Variants in ADGRD2 observed in about 807,000 individuals in gnomAD.
ADGRD2 encodes adhesion G protein-coupled receptor D2.
Under a neutral mutation model 44.4 loss-of-function variants are expected in ADGRD2, and 71 were observed. That is an observed-to-expected ratio of 1.60 (90% confidence interval 1.32 to 1.95). The LOEUF is 1.95. Ranked by LOEUF, ADGRD2 falls within the 30% of genes most tolerant of loss-of-function variation. ADGRD2 has a pLI of 0.00. For synonymous variants in ADGRD2, 481 were observed against 224.8 expected, an observed-to-expected ratio of 2.14 and a Z score of -10.19; for missense variants, 1,039 against 512.4, an observed-to-expected ratio of 2.03 and a Z score of -9.92.
At chr9:124,458,847 G>C in intron 10 of ADGRD2, 126 bp downstream of exon 13, 1 of 608,576 alleles carries the variant, frequency 1.6e-6, no homozygotes, top group South Asian at 2.0e-5. Context: ...GTACCTGCAA[G>C]CCACCTCCAT....
intron 10 of ADGRD2, among the ~76,000 whole-genome samples, chr9:124,461,043 T>G (rs1316475057): frequency 6.6e-6 from 1 of 152,212 alleles, no homozygotes; most frequent in Non-Finnish European, 1.5e-5. Context: ...TGCAATTCCT[T>G]GAAAACCAAT....
Position 124,454,443 on chromosome 9 carries a change from G to A in ADGRD2, c.1023-41G>A. On this transcript the variant is annotated intron_variant, in intron 4 of 21. Coordinates refer to ENST00000334810, the Ensembl canonical transcript of ADGRD2. The surrounding 1 kb of genome is among the most constrained non-coding windows in gnomAD (Gnocchi z 4.5). ...GAACAGGCTGGCATCTCTGGGCAGGGGTATTGCCCGGGGCCTAGCCTGGCA... is the reference window on the plus strand; with the variant it reads ...GAACAGGCTGGCATCTCTGGGCAGGAGTATTGCCCGGGGCCTAGCCTGGCA... 2 of 694,474 alleles carry A rather than the reference G, an allele frequency of 2.9e-6. No homozygotes were observed. Among genetic ancestry groups the A allele is most frequent in the East Asian group, 2.7e-5 (1 of 36,510 alleles). The allele number at this position is 694,474 out of a possible 1,614,324, so 43.0% of individuals were successfully genotyped here.
intron 17 of ADGRD2, among the ~76,000 whole-genome samples, chr9:124,471,682 C>T (rs1206140153): frequency 6.6e-6 from 1 of 152,182 alleles, no homozygotes; most frequent in Non-Finnish European, 1.5e-5. Context: ...CAGATGGGTC[C>T]TGGCTGGTCC....
At chr9:124,466,470 A>G (rs1186762917) in intron 11 of ADGRD2, 57 bp downstream of exon 14, 2 of 628,588 alleles carry the variant, frequency 3.2e-6, no homozygotes, top group Admixed American at 4.8e-5. Flanking sequence ...GGAGGTGAAG[A>G]GAAGAGCCAA....
At chr9:124,464,098 C>T (rs762529799) in intron 10 of ADGRD2, among the ~76,000 whole-genome samples, 3 of 151,978 alleles carry the variant, frequency 2.0e-5, no homozygotes, top group Non-Finnish European at 2.9e-5. Context: ...CCTCAGCCTC[C>T]CAAAGTGAGC....
At chr9:124,476,696 G>A (rs1261616016) in exon 21 of ADGRD2, 5 of 702,270 alleles carry the variant, frequency 7.1e-6, no homozygotes, top group East Asian at 2.7e-5. Context: ...AACTGACAGC[G>A]TTCAAAGCTT....
Position 124,455,000 on chromosome 9 carries a change from C to A in ADGRD2, c.1268C>A (p.Ala423Asp). ...GTCCGCTTCCTGAAGAGGGTGGTGG[C>A]CCTCGGGGCTGGGGACCCAGAGCTG... The change falls in exon 6 of 22, where the codon GCC becomes GAC. Residue 423 changes from alanine to aspartate, a missense_variant. Transcript: ENST00000334810. This position sits in a 1 kb window ranked among gnomAD's most constrained non-coding sequence, Gnocchi z 4.5. 1 of 718,352 alleles carries A rather than the reference C, an allele frequency of 1.4e-6. No individual in the cohort carries two copies. The highest frequency in any genetic ancestry group is 2.6e-6 in the Non-Finnish European group (1 of 385,092). The allele number at this position is 718,352 out of a possible 1,614,324, so 44.5% of individuals were successfully genotyped here.
chr9:124,456,745 C>T lies in ADGRD2; in HGVS notation c.1505+12C>T. The stretch of plus-strand genomic sequence containing the variant: ...GCACCGCCATGCTGGTGAGCCTGCA[C>T]CCACCTGCCCACACGGCTGGACTCA... On this transcript the variant is annotated intron_variant, in intron 7 of 21. Coordinates refer to ENST00000334810, the Ensembl canonical transcript of ADGRD2. 3 of 705,616 alleles carry T rather than the reference C, an allele frequency of 4.3e-6. No individual in the cohort carries two copies. The highest frequency in any genetic ancestry group is 7.8e-6 in the Non-Finnish European group (3 of 384,966). 43.7% of individuals were successfully genotyped at this position (705,616 alleles called of 1,614,324 possible). A position where few individuals can be genotyped will look rare whatever the true frequency, so the allele number is the denominator to read the frequency against.
chr9:124,460,113 A>C (rs1021687010), intron 10 of ADGRD2, among the ~76,000 whole-genome samples: 1 of 150,848 alleles, frequency 6.6e-6, no homozygotes, highest in East Asian at 1.9e-4. Flanking sequence ...CACACACACC[A>C]ACCACAGCTT....
intron 6 of ADGRD2, 126 bp from the exon 10 acceptor site, chr9:124,456,496 G>A (rs982933960): frequency 7.9e-6 from 5 of 633,972 alleles, no homozygotes; most frequent in African/African-American, 3.6e-5. Flanking sequence ...AGTCCTTAAA[G>A]AGCCACGGAG....
At chr9:124,462,825 A>G (rs975429913) in intron 10 of ADGRD2, among the ~76,000 whole-genome samples, 1 of 152,058 alleles carries the variant, frequency 6.6e-6, no homozygotes, top group Non-Finnish European at 1.5e-5. Flanking sequence ...ACACTTGCTC[A>G]TGTTGTCTGC....
intron 17 of ADGRD2, among the ~76,000 whole-genome samples, chr9:124,472,396 CTCCACTTCTCTCCTCAGTCTCTCTGACA>C (rs1431636421): frequency 6.6e-6 from 1 of 152,154 alleles, no homozygotes; most frequent in Non-Finnish European, 1.5e-5. Flanking sequence ...CTTCATGTTT[CTCCACTTCTCTCCTCAGTCTCTCTGACA>C]CTGGTTTGTT....
chr9:124,465,951 C>A (rs1405628932), intron 10 of ADGRD2: 5 of 229,558 alleles, frequency 2.2e-5, no homozygotes, highest in Non-Finnish European at 3.4e-5. Flanking sequence ...AGGAGCAGAG[C>A]AGGCTCCAGG....
At chr9:124,475,810 G>A (rs1414165290) in intron 19 of ADGRD2, among the ~76,000 whole-genome samples, 195 bp downstream of exon 22, 1 of 152,156 alleles carries the variant, frequency 6.6e-6, no homozygotes, top group Non-Finnish European at 1.5e-5. Flanking sequence ...GGCTCTCAGA[G>A]GTACTCGCAG....
intron 6 of ADGRD2, among the ~76,000 whole-genome samples, chr9:124,455,389 G>A (rs945338115): frequency 9.9e-5 from 15 of 152,124 alleles, no homozygotes; most frequent in Non-Finnish European, 2.2e-4. Flanking sequence ...TCAGGAGTTC[G>A]AGACTAGCCT....
chr9:124,451,813 A>G (rs983080997), upstream of ADGRD2: 1 of 438,346 alleles, frequency 2.3e-6, no homozygotes. Context: ...AATGTTATCC[A>G]AGATAAGTCC....
At chr9:124,462,802 T>C (rs759820503) in intron 10 of ADGRD2, among the ~76,000 whole-genome samples, 2 of 152,230 alleles carry the variant, frequency 1.3e-5, no homozygotes, top group Non-Finnish European at 2.9e-5. Context: ...CTGGAACCTC[T>C]AGGATTTTCT....
At position 124,470,607 on chromosome 9, in the gene ADGRD2, C is replaced by T. The variant is rs372783662; in HGVS notation, c.2753C>T (p.Ser918Phe). The stretch of plus-strand genomic sequence containing the variant: ...GCCTACGCTGCCGTGGGCCTCAACT[C>T]CATCCAGGTACCTCCAGCCCCAACC... Residue 918 changes from serine to phenylalanine, a missense_variant, in exon 17 of 22, where the codon TCC (serine) becomes TTC (phenylalanine). Ser to Phe is a radical substitution (Grantham distance 155). Coordinates refer to ENST00000334810, the Ensembl canonical transcript of ADGRD2. The T allele has an allele frequency of 8.5e-6, 6 of 706,152 alleles. No homozygotes were observed. In the African/African-American group the frequency reaches 1.0e-4, roughly 12 times the overall value. The allele number at this position is 706,152 out of a possible 1,614,324, so 43.7% of individuals were successfully genotyped here. A position where few individuals can be genotyped will look rare whatever the true frequency, so the allele number is the denominator to read the frequency against.
Position 124,475,436 on chromosome 9 carries a change from C to T in ADGRD2, c.2759-10C>T, listed in dbSNP as rs1310800187. On this transcript the variant is annotated splice_polypyrimidine_tract_variant and intron_variant, in intron 17 of 21. Transcript: ENST00000334810. ...CTCCGGGCTGAGGCACTCGCTGGGT[C>T]TGTCCTCAGGGGCTGTACATCTTCC... 1 of 711,938 alleles carries T rather than the reference C, an allele frequency of 1.4e-6. No individual in the cohort carries two copies. The highest frequency in any genetic ancestry group is 1.5e-5 in the South Asian group (1 of 66,852). The allele number at this position is 711,938 out of a possible 1,614,324, so 44.1% of individuals were successfully genotyped here.
Sources: gnomAD v4.1 joint callset for allele counts (sites outside exome capture counted in the v4.1 genomes callset) on GRCh38, gnomAD v4.1.1 for gene constraint, Gnocchi (gnomAD v3.1) non-coding constraint, MANE v1.5 for transcripts, NCBI Gene and HGNC (gene_info 2026-07-23, HGNC 2026-07-21) for gene names.